The following AVL9 variants were observed in gnomAD, a reference collection of about 807,000 sequenced individuals.
AVL9 encodes the protein late secretory pathway protein AVL9 homolog.
Under a neutral mutation model 79.2 loss-of-function variants are expected in AVL9, and 49 were observed. The ratio of observed to expected loss-of-function variants is 0.62; its 90% confidence interval spans 0.49 to 0.79. The LOEUF (loss-of-function observed/expected upper bound fraction) is 0.79. Among genes scored for constraint, AVL9 ranks in the 30% least tolerant of loss-of-function variants. The probability of loss-of-function intolerance (pLI) is 0.00; values close to 1 mark genes in which losing one functional copy is unlikely to be tolerated. For synonymous variants in AVL9, 299 were observed against 280.6 expected, an observed-to-expected ratio of 1.07 and a Z score of -0.65; for missense variants, 682 against 776.8, an observed-to-expected ratio of 0.88 and a Z score of 1.45.
chr7:32,559,398 G>A lies in AVL9; in HGVS notation c.1149G>A (p.Leu383=), dbSNP rs754262787. Residue 383 remains leucine, a synonymous_variant, in exon 10 of 16, where the codon CTG becomes CTA. Transcript: ENST00000318709. ...AAGCTAATACGGGACAGGTAGTCCT[G>A]ATACCAGGGCTCATTTCGGGTTTGG... The part of the protein sequence containing the change: ...QPQANTGQVV[L]IPGLISGLEE... 1.2e-6 allele frequency: 2 copies of A among 1,611,474 alleles called. No individual in the cohort carries two copies. The highest frequency in any genetic ancestry group is 1.7e-5 in the Admixed American group (1 of 59,614).
chr7:32,510,798 G>C (rs1161576800), intron 1 of AVL9, among the ~76,000 whole-genome samples: 2 of 116,310 alleles, frequency 1.7e-5, no homozygotes, highest in East Asian at 5.5e-4. Context: ...CACAGTCCTG[G>C]CACTTCTGAA....
intron 8 of AVL9, 87 bp from the exon 9 acceptor site, chr7:32,558,472 T>C: frequency 1.9e-6 from 2 of 1,036,844 alleles, no homozygotes; most frequent in African/African-American, 1.6e-5. Context: ...TATTCTTATA[T>C]AAGGAATTTT....
chr7:32,566,216 G>T (rs866820013), intron 10 of AVL9, among the ~76,000 whole-genome samples: 51 of 81,012 alleles, frequency 6.3e-4, no homozygotes, highest in African/African-American at 2.4e-3. Context: ...CACCACTCTT[G>T]CCCAGCCTGG....
intron 1 of AVL9, among the ~76,000 whole-genome samples, chr7:32,506,176 G>A (rs1219005266): frequency 1.3e-5 from 2 of 151,900 alleles, no homozygotes; most frequent in African/African-American, 2.4e-5. Context: ...AATTTAAAAT[G>A]TTTCGACTTT....
intron 11 of AVL9, 112 bp downstream of exon 11, chr7:32,570,266 T>G (rs1473318718): frequency 6.8e-6 from 9 of 1,327,400 alleles, no homozygotes; most frequent in Non-Finnish European, 9.5e-6. Context: ...AACTGCATAC[T>G]GTATGCCATG....
intron 1 of AVL9, among the ~76,000 whole-genome samples, chr7:32,503,864 G>A (rs1027278714): frequency 2.6e-5 from 4 of 152,102 alleles, no homozygotes; most frequent in Non-Finnish European, 4.4e-5. Flanking sequence ...TGTATTTTTA[G>A]TAGAGTCAGG....
chr7:32,556,519 A>AAATAAATTAATG, intron 8 of AVL9, among the ~76,000 whole-genome samples: 1 of 149,578 alleles, frequency 6.7e-6, no homozygotes, highest in South Asian at 2.1e-4. Flanking sequence ...ATCTCAAAGT[A>AAATAAATTAATG]AATGAATGAA....
intron 12 of AVL9, among the ~76,000 whole-genome samples, chr7:32,575,593 T>A (rs1791058556): frequency 6.6e-6 from 1 of 151,992 alleles, no homozygotes; most frequent in African/African-American, 2.4e-5. Flanking sequence ...TATCAATCAG[T>A]ATGTTTATTC....
chr7:32,553,714 G>T lies in AVL9; in HGVS notation c.530-13G>T. ...ATTGTAGTCACACTTGAGCTTTTTT[G>T]TTAACATTGTAGGTCTGTCACCTCG... On this transcript the variant is annotated splice_polypyrimidine_tract_variant and intron_variant, in intron 6 of 15. Coordinates refer to ENST00000318709, the MANE Select transcript of AVL9 (RefSeq NM_015060.3). 6.3e-7 allele frequency: 1 copy of T among 1,598,842 alleles called. No individual in the cohort carries two copies. Among genetic ancestry groups the T allele is most frequent in the Non-Finnish European group, 8.5e-7 (1 of 1,170,774 alleles).
intron 12 of AVL9, among the ~76,000 whole-genome samples, chr7:32,574,250 C>CACCACCA (rs1301547749): frequency 6.6e-6 from 1 of 151,822 alleles, no homozygotes; most frequent in Admixed American, 6.6e-5. Context: ...TCAACACCAC[C>CACCACCA]ACCACATGCT....
At position 32,526,375 on chromosome 7, in the gene AVL9, T is replaced by C. The variant is rs1462099205; in HGVS notation, c.94-16766T>C. On this transcript the variant is annotated intron_variant, in intron 1 of 15. Coordinates refer to ENST00000318709, the MANE Select transcript of AVL9 (RefSeq NM_015060.3). ...GTCCAAGGCTCCAGTTCATAACCAC[T>C]TGGAGTGTGATGGTCTGAAGGCAAG... is the stretch of plus-strand genomic sequence containing the variant. 2.6e-5 allele frequency among the ~76,000 whole-genome samples: 4 copies of C among 152,088 alleles called. No individual in the cohort carries two copies. In the East Asian group the frequency reaches 7.7e-4, roughly 29 times the overall value.
At chr7:32,522,298 G>C (rs1788193994) in intron 1 of AVL9, among the ~76,000 whole-genome samples, 1 of 152,192 alleles carries the variant, frequency 6.6e-6, no homozygotes, top group African/African-American at 2.4e-5. Context: ...AAAGCATCCG[G>C]GAGGGAGGCT....
chr7:32,546,085 A>ATTTTTTTTTTTTTTT, intron 3 of AVL9, among the ~76,000 whole-genome samples: 1 of 30,962 alleles, frequency 3.2e-5, no homozygotes, highest in African/African-American at 8.3e-5. Flanking sequence ...TTTTTTTTTA[A>ATTTTTTTTTTTTTTT]ATATCTGTAC....
intron 5 of AVL9, 127 bp from the exon 6 acceptor site, chr7:32,552,102 T>C (rs991494866): frequency 1.6e-6 from 1 of 620,474 alleles, no homozygotes; most frequent in East Asian, 3.0e-5. Context: ...GCTTGATTGT[T>C]TTTAAATTTA....
intron 1 of AVL9, among the ~76,000 whole-genome samples, chr7:32,498,818 A>G (rs1352480440): frequency 6.6e-6 from 1 of 151,784 alleles, no homozygotes; most frequent in East Asian, 1.9e-4. Flanking sequence ...TTAAAATTTA[A>G]TATTTAACAA....
intron 1 of AVL9, chr7:32,532,444 C>T (rs1788700705): frequency 6.6e-6 from 1 of 152,132 alleles, no homozygotes. Context: ...CCCTTTTCTG[C>T]CTAGAATATC....
intron 1 of AVL9, among the ~76,000 whole-genome samples, chr7:32,530,433 A>T (rs1274538786): frequency 6.6e-6 from 1 of 152,206 alleles, no homozygotes; most frequent in African/African-American, 2.4e-5. Flanking sequence ...GGCATTTCTG[A>T]TTTTCTAAGT....
At position 32,550,303 on chromosome 7, in the gene AVL9, TAAAG is replaced by T. The variant is rs1274534075; in HGVS notation, c.373-1030_373-1027del. ...ATATTTACTGTTCTCATTTTGTAAATAAAGGCATATCTCAGAAAAAATGTGTAAT... is the reference window on the plus strand; with the variant it reads ...ATATTTACTGTTCTCATTTTGTAAATGCATATCTCAGAAAAAATGTGTAAT... On this transcript the variant is annotated intron_variant, in intron 4 of 15. Transcript: ENST00000318709. Among the ~76,000 whole-genome samples the T allele has an allele frequency of 8.9e-5, 10 of 112,128 alleles. No individual in the cohort carries two copies. In the East Asian group the frequency reaches 2.4e-3, roughly 27 times the overall value. The allele number at this position is 112,128 out of a possible 152,430, so 73.6% of individuals were successfully genotyped here. A position where few individuals can be genotyped will look rare whatever the true frequency, so the allele number is the denominator to read the frequency against.
At chr7:32,580,776 C>T (rs1334487784) in intron 14 of AVL9, 26 bp from the exon 15 acceptor site, 2 of 1,577,634 alleles carry the variant, frequency 1.3e-6, no homozygotes, top group African/African-American at 1.3e-5. Context: ...GTACCTAACA[C>T]TTCTTTTATC....
Sources: gnomAD v4.1 joint callset for allele counts (sites outside exome capture counted in the v4.1 genomes callset) on GRCh38, gnomAD v4.1.1 for gene constraint, MANE v1.5 for transcripts, NCBI Gene and HGNC (gene_info 2026-07-23, HGNC 2026-07-21) for gene names.